Variants in GPBP1L1 observed in about 807,000 individuals in gnomAD.
The protein encoded by GPBP1L1 is GC-rich promoter binding protein 1 like 1.
In GPBP1L1, 23 loss-of-function variants were observed where a neutral mutation model predicts 52.5. The observed-to-expected ratio is 0.44, with a 90% CI of 0.32 to 0.62. The LOEUF (loss-of-function observed/expected upper bound fraction) is 0.62, where lower values mean the gene tolerates loss of function less well. Among genes scored for constraint, GPBP1L1 ranks in the 20% least tolerant of loss-of-function variants. GPBP1L1 has a pLI of 0.06. For synonymous variants in GPBP1L1, 243 were observed against 203.1 expected (o/e 1.20, Z -1.67); for missense variants, 596 against 579.3 (o/e 1.03, Z -0.30).
chr1:45,683,785 G>C (rs895596745), intron 2 of GPBP1L1, among the ~76,000 whole-genome samples: 2 of 150,530 alleles, frequency 1.3e-5, no homozygotes, highest in Non-Finnish European at 3.0e-5. Context: ...AGCTGGGTGC[G>C]GTGGCACGCA....
intron 2 of GPBP1L1, among the ~76,000 whole-genome samples, chr1:45,675,464 G>A (rs1288241485): frequency 6.6e-6 from 1 of 152,028 alleles, no homozygotes; most frequent in Non-Finnish European, 1.5e-5. Flanking sequence ...TTTTATAGAC[G>A]GGGTCTATTT....
intron 6 of GPBP1L1, among the ~76,000 whole-genome samples, chr1:45,643,991 G>A (rs986859341): frequency 3.9e-5 from 6 of 152,054 alleles, no homozygotes; most frequent in African/African-American, 1.4e-4. Flanking sequence ...CAGCACAATT[G>A]CCTGTGAACA....
chr1:45,631,614 A>G (rs1054193971), intron 10 of GPBP1L1, among the ~76,000 whole-genome samples: 1 of 152,182 alleles, frequency 6.6e-6, no homozygotes, highest in Admixed American at 6.5e-5. Flanking sequence ...TCTGCTTTGC[A>G]AAACACTCTG....
intron 10 of GPBP1L1, among the ~76,000 whole-genome samples, chr1:45,633,143 G>C (rs1644551127): frequency 6.6e-6 from 1 of 152,160 alleles, no homozygotes; most frequent in Non-Finnish European, 1.5e-5. Flanking sequence ...ATATGATCCA[G>C]CAATTGCGCT....
chr1:45,653,799 C>T (rs901534415), intron 6 of GPBP1L1, among the ~76,000 whole-genome samples: 1 of 149,768 alleles, frequency 6.7e-6, no homozygotes, highest in Non-Finnish European at 1.5e-5. Flanking sequence ...CCTGGGTTCA[C>T]GTGATTCTCC....
At chr1:45,645,763 TTTTTG>T (rs1644735900) in intron 6 of GPBP1L1, 15 of 338,368 alleles carry the variant, frequency 4.4e-5, no homozygotes, top group South Asian at 1.4e-4. Flanking sequence ...ATTCCGAAGT[TTTTTG>T]TTTTTTTTTT....
At chr1:45,676,281 T>C (rs1645138028) in intron 2 of GPBP1L1, among the ~76,000 whole-genome samples, 1 of 152,118 alleles carries the variant, frequency 6.6e-6, no homozygotes, top group Non-Finnish European at 1.5e-5. Flanking sequence ...AGATTTTTTT[T>C]CCCATACAGC....
intron 2 of GPBP1L1, among the ~76,000 whole-genome samples, chr1:45,682,890 G>A (rs1645228145): frequency 6.6e-6 from 1 of 152,100 alleles, no homozygotes; most frequent in African/African-American, 2.4e-5. Flanking sequence ...TGGGAAATAG[G>A]AAACACTAAG....
intron 8 of GPBP1L1, among the ~76,000 whole-genome samples, chr1:45,639,746 T>C (rs1176568658): frequency 1.1e-4 from 16 of 151,964 alleles, no homozygotes; most frequent in Admixed American, 9.2e-4. Context: ...CCGGGTGTGG[T>C]GGCGGGCGCC....
intron 2 of GPBP1L1, among the ~76,000 whole-genome samples, chr1:45,662,796 A>G (rs1569850236): frequency 6.6e-6 from 1 of 152,276 alleles, no homozygotes; most frequent in South Asian, 2.1e-4. Flanking sequence ...TCACGCCTAT[A>G]ATCCCAGCAC....
chr1:45,675,224 GA>G (rs1416943078), intron 2 of GPBP1L1, among the ~76,000 whole-genome samples: 2 of 152,042 alleles, frequency 1.3e-5, no homozygotes, highest in African/African-American at 4.8e-5. Flanking sequence ...TTGAACCCAG[GA>G]GGCGGAGGTT....
Position 45,655,336 on chromosome 1 carries a change from T to C in GPBP1L1, c.61-17A>G, listed in dbSNP as rs745667596. ...AGTAGGTGACTAAGATGATGAAGTA[T>C]GGAGAGGCAAATGGATAAATAGCTA... On this transcript the variant is annotated splice_polypyrimidine_tract_variant and intron_variant, in intron 4 of 12. Transcript: ENST00000355105. 1.9e-6 allele frequency: 3 copies of C among 1,613,582 alleles called. No homozygotes were observed. The highest frequency in any genetic ancestry group is 2.5e-6 in the Non-Finnish European group (3 of 1,179,592).
chr1:45,676,104 G>A (rs907749829), intron 2 of GPBP1L1, among the ~76,000 whole-genome samples: 4 of 152,096 alleles, frequency 2.6e-5, no homozygotes, highest in Non-Finnish European at 5.9e-5. Context: ...TTAGTGCCTT[G>A]CTTCTTTTAT....
At chr1:45,640,595 A>G (rs373443889) in intron 7 of GPBP1L1, among the ~76,000 whole-genome samples, 192 bp from the exon 8 acceptor site, 1 of 152,226 alleles carries the variant, frequency 6.6e-6, no homozygotes, top group Non-Finnish European at 1.5e-5. Context: ...AAAATGCAGC[A>G]TATGAGGAAC....
chr1:45,687,476 G>A (rs1007875531), upstream of GPBP1L1: 1 of 152,320 alleles, frequency 6.6e-6, no homozygotes, highest in Non-Finnish European at 1.5e-5. Flanking sequence ...TGGCCGGCGT[G>A]GGCCCCTGAG....
At chr1:45,680,714 T>C (rs923469973) in intron 2 of GPBP1L1, among the ~76,000 whole-genome samples, 4 of 152,150 alleles carry the variant, frequency 2.6e-5, no homozygotes, top group Non-Finnish European at 4.4e-5. Flanking sequence ...ATTTCACCCC[T>C]TTTTGTCCCA....
intron 12 of GPBP1L1, 122 bp downstream of exon 12, chr1:45,629,454 T>TTTCCCCCCCCCCCCCCCCCC (rs758811981): frequency 3.4e-5 from 4 of 117,618 alleles, no homozygotes; most frequent in Non-Finnish European, 6.5e-5. Context: ...ACTAAGGTAA[T>TTTCCCCCCCCCCCCCCCCCC]CCCCCCCCCC....
chr1:45,657,216 G>A (rs1235199728), intron 4 of GPBP1L1, among the ~76,000 whole-genome samples: 6 of 152,144 alleles, frequency 3.9e-5, no homozygotes, highest in Non-Finnish European at 2.9e-5. Context: ...ATGAGGTCCT[G>A]CAAATTTTGT....
intron 2 of GPBP1L1, among the ~76,000 whole-genome samples, chr1:45,668,899 C>G (rs1362595076): frequency 6.6e-6 from 1 of 152,064 alleles, no homozygotes; most frequent in East Asian, 1.9e-4. Flanking sequence ...CCCAGGAATT[C>G]AAGGTTGCAG....
Sources: gnomAD v4.1 joint callset for allele counts (sites outside exome capture counted in the v4.1 genomes callset) on GRCh38, gnomAD v4.1.1 for gene constraint, MANE v1.5 for transcripts, NCBI Gene and HGNC (gene_info 2026-07-23, HGNC 2026-07-21) for gene names.